The following GMDS variants were observed in gnomAD, a reference collection of about 807,000 sequenced individuals.
GMDS encodes the protein GDP-mannose 4,6-dehydratase.
In GMDS, 20 loss-of-function variants were observed where a neutral mutation model predicts 49.9. The ratio of observed to expected loss-of-function variants is 0.40; its 90% confidence interval spans 0.28 to 0.58. GMDS has a LOEUF of 0.58. Among genes scored for constraint, GMDS ranks in the 20% least tolerant of loss-of-function variants. The pLI is 0.42. For synonymous variants in GMDS, 177 were observed against 178.6 expected, an observed-to-expected ratio of 0.99 and a Z score of 0.07; for missense variants, 362 against 481.4, an observed-to-expected ratio of 0.75 and a Z score of 2.32.
At chr6:2,093,306 A>AT (rs1338708167) in intron 4 of GMDS, among the ~76,000 whole-genome samples, 2 of 152,232 alleles carry the variant, frequency 1.3e-5, no homozygotes, top group Admixed American at 1.3e-4. Context: ...AAAAACACAA[A>AT]TAAGTACAAA....
chr6:2,076,698 G>A (rs1394856511), intron 4 of GMDS, among the ~76,000 whole-genome samples: 1 of 152,164 alleles, frequency 6.6e-6, no homozygotes, highest in African/African-American at 2.4e-5. Flanking sequence ...TGGGAAAACT[G>A]GCTAGCTGTA....
intron 7 of GMDS, among the ~76,000 whole-genome samples, chr6:1,918,940 C>T (rs577316832): frequency 5.4e-4 from 83 of 152,298 alleles, no homozygotes; most frequent in African/African-American, 2.0e-3. Flanking sequence ...AAATCTAGCA[C>T]AACTCAACCT....
chr6:1,810,877 T>C (rs1446633770), intron 7 of GMDS, among the ~76,000 whole-genome samples: 1 of 152,200 alleles, frequency 6.6e-6, no homozygotes, highest in Non-Finnish European at 1.5e-5. Context: ...AGAACAATAA[T>C]GGAAACTAAA....
chr6:2,144,737 A>G (rs1002786904), intron 1 of GMDS, among the ~76,000 whole-genome samples: 3 of 152,168 alleles, frequency 2.0e-5, no homozygotes, highest in African/African-American at 7.2e-5. Flanking sequence ...ATCATAATAT[A>G]TAGAAAATAA....
intron 7 of GMDS, among the ~76,000 whole-genome samples, chr6:1,747,432 G>A (rs1006909350): frequency 1.3e-5 from 2 of 148,588 alleles, no homozygotes; most frequent in African/African-American, 5.0e-5. Context: ...TGTGCTTTAC[G>A]TGCTACTGTC....
In GMDS at chr6:2,233,770, G is replaced by T. The variant is rs1781222495; in HGVS notation, c.102+11551C>A. ...GGTGGGGGGCGCCGAAGTTGCAGTG[G>T]GCAGTGATCGCGCCACTGCACTCCA... On this transcript the variant is annotated intron_variant, in intron 1 of 10. Transcript: ENST00000380815. Among the ~76,000 whole-genome samples, 4 of 152,088 alleles carry T rather than the reference G, an allele frequency of 2.6e-5. No individual in the cohort carries two copies. The South Asian group carries it at 8.3e-4, about 32-fold the overall frequency.
At chr6:2,147,695 G>A (rs1015491797) in intron 1 of GMDS, among the ~76,000 whole-genome samples, 4 of 151,428 alleles carry the variant, frequency 2.6e-5, no homozygotes, top group Non-Finnish European at 5.9e-5. Context: ...CAACAAGCTT[G>A]TATTTCTCAC....
chr6:1,993,141 T>C (rs1766060632), intron 4 of GMDS, among the ~76,000 whole-genome samples: 1 of 151,788 alleles, frequency 6.6e-6, no homozygotes, highest in Non-Finnish European at 1.5e-5. Flanking sequence ...CTCCTCTCCC[T>C]TGCCCCAGCC....
intron 7 of GMDS, among the ~76,000 whole-genome samples, chr6:1,899,156 G>A (rs114451953): frequency 0.021 from 3,214 of 152,174 alleles, 43 homozygotes; most frequent in Middle Eastern, 0.048. Context: ...CGTCTGTCTG[G>A]GGAGCTGGTA....
chr6:1,931,644 C>T (rs1007758692), intron 6 of GMDS, among the ~76,000 whole-genome samples: 2 of 152,082 alleles, frequency 1.3e-5, no homozygotes, highest in African/African-American at 4.8e-5. Flanking sequence ...TTTCTATTGA[C>T]TTGTAAGAAT....
In GMDS at chr6:1,783,436, T is replaced by C. The variant is rs76124206; in HGVS notation, c.772-40850A>G. 4.9e-3 allele frequency among the ~76,000 whole-genome samples: 753 copies of C among 152,298 alleles called. 6 individuals carry two copies. The highest frequency in any genetic ancestry group is 0.017 in the African/African-American group (723 of 41,558). ...CCTTGAGGGAAGTATGGAAGTATGG[T>C]GCTTCGTTGACCACTGTATCCCTAA... On this transcript the variant is annotated intron_variant, in intron 7 of 10. Transcript: ENST00000380815.
At chr6:2,209,944 G>A (rs886629891) in intron 1 of GMDS, among the ~76,000 whole-genome samples, 4 of 152,106 alleles carry the variant, frequency 2.6e-5, no homozygotes, top group East Asian at 1.9e-4. Flanking sequence ...AAAACCTAGC[G>A]TGAAATGATC....
intron 4 of GMDS, among the ~76,000 whole-genome samples, chr6:2,038,226 G>A (rs1295145924): frequency 6.6e-6 from 1 of 152,200 alleles, no homozygotes; most frequent in Non-Finnish European, 1.5e-5. Context: ...ACAGTACAGG[G>A]TGTACATGCT....
chr6:1,695,327 T>A (rs952349859), intron 9 of GMDS, among the ~76,000 whole-genome samples: 3 of 152,186 alleles, frequency 2.0e-5, no homozygotes, highest in Non-Finnish European at 4.4e-5. Context: ...ATGAATAGCA[T>A]TGAAACGGTA....
intron 4 of GMDS, among the ~76,000 whole-genome samples, chr6:2,061,738 A>G (rs1771192826): frequency 6.6e-6 from 1 of 151,318 alleles, no homozygotes; most frequent in South Asian, 2.1e-4. Flanking sequence ...AAAAAAAAAA[A>G]AAAAATCTGA....
intron 7 of GMDS, among the ~76,000 whole-genome samples, chr6:1,764,211 T>C (rs1347733413): frequency 6.6e-6 from 1 of 152,168 alleles, no homozygotes; most frequent in African/African-American, 2.4e-5. Context: ...GGGAGACAAC[T>C]ATTTAAAGCT....
chr6:1,628,136 T>A (rs567075860), intron 9 of GMDS, among the ~76,000 whole-genome samples: 5 of 152,328 alleles, frequency 3.3e-5, no homozygotes, highest in Non-Finnish European at 5.9e-5. Context: ...GCTGCAGCCA[T>A]TTTTTAGGCT....
intron 1 of GMDS, among the ~76,000 whole-genome samples, chr6:2,174,320 A>T (rs918941689): frequency 2.0e-5 from 3 of 152,186 alleles, no homozygotes; most frequent in Non-Finnish European, 4.4e-5. Flanking sequence ...TCCTGCTAAG[A>T]TATCTTCAGG....
chr6:1,679,732 T>C (rs1764731101), intron 9 of GMDS: 1 of 152,252 alleles, frequency 6.6e-6, no homozygotes, highest in African/African-American at 2.4e-5. Context: ...AGTGTTTCAT[T>C]GCAGTCAAAT....
Sources: gnomAD v4.1 joint callset for allele counts (sites outside exome capture counted in the v4.1 genomes callset) on GRCh38, gnomAD v4.1.1 for gene constraint, MANE v1.5 for transcripts, NCBI Gene and HGNC (gene_info 2026-07-23, HGNC 2026-07-21) for gene names.